Variants in ITGB4 observed in about 807,000 individuals in gnomAD.
The protein encoded by ITGB4 is integrin beta-4.
Under a neutral mutation model 207.6 loss-of-function variants are expected in ITGB4, and 159 were observed. The observed-to-expected ratio is 0.77, with a 90% confidence interval of 0.67 to 0.87. The LOEUF is 0.87. ITGB4 is among the 40% of genes least tolerant of loss of function. The pLI, the probability that ITGB4 is intolerant of heterozygous loss-of-function variation, is 0.00. For missense variants in ITGB4, 2,278 were observed against 2,546.8 expected (o/e 0.89, Z 2.27); for synonymous variants, 1,020 against 1,062.7 (o/e 0.96, Z 0.78).
chr17:75,731,754 G>T lies in ITGB4; in HGVS notation c.1216-58G>T. On this transcript the variant is annotated intron_variant, in intron 10 of 39. Transcript: ENST00000200181. This position sits in a 1 kb window ranked among gnomAD's most constrained non-coding sequence, Gnocchi z 6.8. ...TGGGGGCCGAGGGCCTTCAGGCATC[G>T]ATGGCCCCCTGGTCCTTGGGGCTGG... 1 of 1,508,166 alleles carries T rather than the reference G, an allele frequency of 6.6e-7. No homozygotes were observed. The highest frequency in any genetic ancestry group is 8.9e-7 in the Non-Finnish European group (1 of 1,121,838). The allele number at this position is 1,508,166 out of a possible 1,614,324, so 93.4% of individuals were successfully genotyped here.
At position 75,740,398 on chromosome 17, in the gene ITGB4, C is replaced by T. The variant is rs770372863; in HGVS notation, c.2487C>T (p.Thr829=). The T allele has an allele frequency of 2.2e-5, 36 of 1,613,714 alleles. No individual in the cohort carries two copies. Among genetic ancestry groups the T allele is most frequent in the South Asian group, 1.4e-4 (13 of 91,054 alleles). Residue 829 remains threonine, a synonymous_variant, in exon 21 of 40, where the codon ACC becomes ACT. Transcript: ENST00000200181. The surrounding 1 kb of genome is among the most constrained non-coding windows in gnomAD (Gnocchi z 5.9). ...GLSLRLARLC[T]ENLLKPDTRE... ...CCTTGCGCCTGGCCCGCCTTTGCAC[C>T]GAGAACCTGCTGAAGCCTGACACTC...
intron 1 of ITGB4, among the ~76,000 whole-genome samples, chr17:75,724,414 C>T (rs1307670456): frequency 2.0e-5 from 3 of 152,276 alleles, no homozygotes; most frequent in Non-Finnish European, 4.4e-5. Context: ...GAGCCCAGTG[C>T]TGAGAGGCCT....
chr17:75,752,176 C>T lies in ITGB4; in HGVS notation c.3796C>T (p.Pro1266Ser). 1 of 1,613,958 alleles carries T rather than the reference C, an allele frequency of 6.2e-7. No individual in the cohort carries two copies. Among genetic ancestry groups the T allele is most frequent in the Non-Finnish European group, 8.5e-7 (1 of 1,180,000 alleles). The change falls in exon 31 of 40, where the codon CCT (proline) becomes TCT (serine). Residue 1266 changes from proline (P) to serine (S), a missense_variant and splice_region_variant. Pro to Ser is a moderately conservative substitution (Grantham distance 74). Transcript: ENST00000200181. ...CYGLVNDDNR[P>S]IGPMKKVLVD... is the part of the protein sequence containing the mutation. ...CTGAAGCACTCTCTCTGCCCCAGGACCTATTGGGCCCATGAAGAAAGTGCT... is the reference window on the plus strand; with the variant it reads ...CTGAAGCACTCTCTCTGCCCCAGGATCTATTGGGCCCATGAAGAAAGTGCT...
intron 18 of ITGB4, among the ~76,000 whole-genome samples, chr17:75,738,758 G>A (rs543147229): frequency 6.6e-6 from 1 of 152,210 alleles, no homozygotes; most frequent in Non-Finnish European, 1.5e-5. Flanking sequence ...ACCACACTCC[G>A]TAGTAACCCC....
chr17:75,725,695 A>G (rs1011763474), intron 2 of ITGB4, among the ~76,000 whole-genome samples: 1 of 152,212 alleles, frequency 6.6e-6, no homozygotes, highest in African/African-American at 2.4e-5. Flanking sequence ...AGGTGCACAC[A>G]GTAGGTCCTC....
chr17:75,755,257 CATCT>C, intron 34 of ITGB4: 2 of 1,576,426 alleles, frequency 1.3e-6, no homozygotes, highest in Non-Finnish European at 8.6e-7. Context: ...TGTCCTGCTC[CATCT>C]GTCATCCAGC....
In ITGB4 at chr17:75,752,261, A is replaced by T; in HGVS notation, c.3881A>T (p.Tyr1294Phe). ...LIENLRESQP[Y>F]RYTVKARNGA... ...GAGAACCTTCGGGAGTCCCAGCCCTACCGCTACACGGTGAAGGCGCGCAAC... is the reference window on the plus strand; with the variant it reads ...GAGAACCTTCGGGAGTCCCAGCCCTTCCGCTACACGGTGAAGGCGCGCAAC... The change falls in exon 31 of 40, where the codon TAC becomes TTC. Residue 1294 changes from tyrosine to phenylalanine, a missense_variant. Transcript: ENST00000200181. The T allele has an allele frequency of 6.2e-7, 1 of 1,613,500 alleles. No homozygotes were observed. Among genetic ancestry groups the T allele is most frequent in the Non-Finnish European group, 8.5e-7 (1 of 1,180,018 alleles).
In ITGB4 at chr17:75,753,922, G is replaced by C; in HGVS notation, c.4266G>C (p.Ala1422=). The change falls in exon 33 of 40, where the codon GCG becomes GCC. Residue 1422 remains alanine (A), a synonymous_variant. Transcript: ENST00000200181. The stretch of plus-strand genomic sequence containing the variant: ...ACGGGCCCCCGGACGACGGCGGCGC[G>C]GGCGGGAAGGGCGGCAGCCTGCCCC... The part of the protein sequence containing the change: ...APHGPPDDGG[A]GGKGGSLPRS... The C allele has an allele frequency of 1.6e-6, 2 of 1,284,370 alleles. No homozygotes were observed. Among genetic ancestry groups the C allele is most frequent in the Non-Finnish European group, 2.0e-6 (2 of 1,022,008 alleles). 79.6% of individuals were successfully genotyped at this position (1,284,370 alleles called of 1,614,324 possible).
At chr17:75,749,184 T>C in intron 27 of ITGB4, 139 bp downstream of exon 27, 1 of 751,960 alleles carries the variant, frequency 1.3e-6, no homozygotes, top group South Asian at 1.6e-5. Flanking sequence ...ACATACACGT[T>C]GGTAGGATAA....
rs939556486 is a variant in ITGB4, at chr17:75,740,711, G to C, written c.2551-82G>C. ...CTGAGGATCTCTGGGTACAGAGGCT[G>C]CCTGGCTCCCTGGGTCCCCAGCCTG... is the stretch of plus-strand genomic sequence containing the variant. On this transcript the variant is annotated intron_variant, in intron 21 of 39. Transcript: ENST00000200181. This position sits in a 1 kb window ranked among gnomAD's most constrained non-coding sequence, Gnocchi z 5.9. 1.3e-5 allele frequency: 19 copies of C among 1,480,274 alleles called. No homozygotes were observed. The highest frequency in any genetic ancestry group is 1.0e-4 in the Admixed American group (6 of 59,666). 91.7% of individuals were successfully genotyped at this position (1,480,274 alleles called of 1,614,324 possible). A position where few individuals can be genotyped will look rare whatever the true frequency, so the allele number is the denominator to read the frequency against.
chr17:75,732,181 G>T lies in ITGB4; in HGVS notation c.1396G>T (p.Ala466Ser), dbSNP rs1369047252. The change falls in exon 12 of 40, where the codon GCT becomes TCT. Residue 466 changes from alanine to serine, a missense_variant. Physicochemically the swap from Ala to Ser is moderately conservative, Grantham distance 99 (BLOSUM62 1). Transcript: ENST00000200181. The surrounding 1 kb of genome is among the most constrained non-coding windows in gnomAD (Gnocchi z 5.3). ...TCELQKEVRS[A>S]RCSFNGDFVC... The stretch of plus-strand genomic sequence containing the variant: ...ATTCCAGCAAAAAGAGGTGCGGTCA[G>T]CTCGCTGCAGCTTCAACGGAGACTT... The T allele has an allele frequency of 3.1e-6, 5 of 1,614,020 alleles. No individual in the cohort carries two copies. Among genetic ancestry groups the T allele is most frequent in the Non-Finnish European group, 4.2e-6 (5 of 1,180,060 alleles).
chr17:75,740,422 T>A lies in ITGB4; in HGVS notation c.2511T>A (p.Thr837=). 1 of 1,613,282 alleles carries A rather than the reference T, an allele frequency of 6.2e-7. No homozygotes were observed. The highest frequency in any genetic ancestry group is 8.5e-7 in the Non-Finnish European group (1 of 1,179,876). ...CCGAGAACCTGCTGAAGCCTGACAC[T>A]CGGGAGTGCGCCCAGCTGCGCCAGG... The part of the protein sequence containing the change: ...LCTENLLKPD[T]RECAQLRQEV... Residue 837 remains threonine, a synonymous_variant, in exon 21 of 40, where the codon ACT becomes ACA. Transcript: ENST00000200181. The surrounding 1 kb of genome is among the most constrained non-coding windows in gnomAD (Gnocchi z 5.9).
Position 75,729,151 on chromosome 17 carries a change from T to G in ITGB4, c.567-114T>G. On this transcript the variant is annotated intron_variant, in intron 6 of 39. Coordinates refer to ENST00000200181, the MANE Select transcript of ITGB4 (RefSeq NM_000213.5). This position sits in a 1 kb window ranked among gnomAD's most constrained non-coding sequence, Gnocchi z 4.4. The stretch of plus-strand genomic sequence containing the variant: ...ACCAGCCTGGGTGATAAAGCGAGAC[T>G]TGGTCTCAAAAAAAAAAAAAAAAAT... 1 of 884,462 alleles carries G rather than the reference T, an allele frequency of 1.1e-6. No homozygotes were observed. The highest frequency in any genetic ancestry group is 3.1e-5 in the Admixed American group (1 of 31,932). 54.8% of individuals were successfully genotyped at this position (884,462 alleles called of 1,614,324 possible).
Position 75,740,558 on chromosome 17 carries a change from T to A in ITGB4, c.2550+97T>A. The A allele has an allele frequency of 9.1e-7, 1 of 1,099,142 alleles. No homozygotes were observed. The highest frequency in any genetic ancestry group is 1.4e-6 in the Non-Finnish European group (1 of 728,816). 68.1% of individuals were successfully genotyped at this position (1,099,142 alleles called of 1,614,324 possible). ...AATGCGGTCGTGGTACCGAGATTCA[T>A]TAACTAGGGGAGAGGGGTCTCTCTG... On this transcript the variant is annotated intron_variant, in intron 21 of 39. Transcript: ENST00000200181. The surrounding 1 kb of genome is among the most constrained non-coding windows in gnomAD (Gnocchi z 5.9).
In ITGB4 at chr17:75,750,262, G is replaced by A; in HGVS notation, c.3468G>A (p.Gly1156=). The change falls in exon 28 of 40, where the codon GGG becomes GGA. Residue 1156 remains glycine (G), a synonymous_variant. Coordinates refer to ENST00000200181, the MANE Select transcript of ITGB4 (RefSeq NM_000213.5). The surrounding 1 kb of genome is among the most constrained non-coding windows in gnomAD (Gnocchi z 5.5). ...TGCCCCCTTCTGGCAAGCCAATGGGGTACAGGGTAAGGCGGGGGGCTGAGG... is the reference window on the plus strand; with the variant it reads ...TGCCCCCTTCTGGCAAGCCAATGGGATACAGGGTAAGGCGGGGGGCTGAGG... ...NWLPPSGKPM[G]YRVKYWIQGD... 1.2e-6 allele frequency: 2 copies of A among 1,612,666 alleles called. No individual in the cohort carries two copies. Among genetic ancestry groups the A allele is most frequent in the Non-Finnish European group, 1.7e-6 (2 of 1,179,392 alleles).
chr17:75,749,940 G>A lies in ITGB4; in HGVS notation c.3317-171G>A, dbSNP rs565523269. On this transcript the variant is annotated intron_variant, in intron 27 of 39. Coordinates refer to ENST00000200181, the MANE Select transcript of ITGB4 (RefSeq NM_000213.5). The stretch of plus-strand genomic sequence containing the variant: ...CTGGGTCCTCCGCCAAGCTTGGCAG[G>A]ATGCTCTATGTGGCAGCAATGGGGC... Among the ~76,000 whole-genome samples the A allele has an allele frequency of 5.3e-5, 8 of 152,332 alleles. No homozygotes were observed. The South Asian group carries it at 1.7e-3, about 32-fold the overall frequency.
At chr17:75,744,770 CTTTTG>C (rs915156754) in intron 26 of ITGB4, among the ~76,000 whole-genome samples, 2 of 152,090 alleles carry the variant, frequency 1.3e-5, no homozygotes, top group Admixed American at 6.5e-5. Context: ...AGTTTTGTTT[CTTTTG>C]TTTTGTGTGG....
chr17:75,746,653 T>G (rs1289515101), intron 26 of ITGB4, among the ~76,000 whole-genome samples: 1 of 151,000 alleles, frequency 6.6e-6, no homozygotes, highest in African/African-American at 2.4e-5. Flanking sequence ...ATAAAGATGC[T>G]TTGAGGCTGG....
Position 75,731,098 on chromosome 17 carries a change from T to A in ITGB4, c.1092+134T>A. The A allele has an allele frequency of 7.0e-7, 1 of 1,431,886 alleles. No homozygotes were observed. The highest frequency in any genetic ancestry group is 9.7e-7 in the Non-Finnish European group (1 of 1,030,264). The allele number at this position is 1,431,886 out of a possible 1,614,324, so 88.7% of individuals were successfully genotyped here. On this transcript the variant is annotated intron_variant, in intron 9 of 39. Coordinates refer to ENST00000200181, the MANE Select transcript of ITGB4 (RefSeq NM_000213.5). The surrounding 1 kb of genome is among the most constrained non-coding windows in gnomAD (Gnocchi z 6.8). ...AGACCAGTGAGGAAGGGTCTCTAGC[T>A]ATCCCTGAGGCCCCGAGGGGCCACC...
Sources: allele counts gnomAD v4.1 joint callset (sites outside exome capture counted in the v4.1 genomes callset), GRCh38; gene constraint gnomAD v4.1.1; non-coding constraint Gnocchi (gnomAD v3.1); transcripts MANE v1.5; gene names NCBI Gene and HGNC (gene_info 2026-07-23, HGNC 2026-07-21).